The following FMN2 variants were observed in gnomAD, a reference collection of about 807,000 sequenced individuals.
FMN2 encodes the protein formin-2.
A neutral mutation model predicts 142.3 loss-of-function variants in FMN2; 51 were observed. The observed-to-expected ratio is 0.36, with a 90% CI of 0.29 to 0.45. The LOEUF (loss-of-function observed/expected upper bound fraction) is 0.45. FMN2 is among the 20% of genes least tolerant of loss of function. The probability of loss-of-function intolerance (pLI) is 1.00; values close to 1 mark genes in which losing one functional copy is unlikely to be tolerated. For missense variants in FMN2, 1,936 were observed against 2,122.8 expected (o/e 0.91, Z 1.73); for synonymous variants, 882 against 869.8 (o/e 1.01, Z -0.25).
chr1:240,121,735 T>TAGAAAAAAA (rs1662264192), intron 1 of FMN2, among the ~76,000 whole-genome samples: 1 of 25,672 alleles, frequency 3.9e-5, no homozygotes, highest in Non-Finnish European at 6.4e-5. Context: ...AGGGAAATAG[T>TAGAAAAAAA]AAAAAAAAAA....
In FMN2 at chr1:240,178,192, C is replaced by T. The variant is rs552355823; in HGVS notation, c.1930+124C>T. 1.7e-5 allele frequency: 20 copies of T among 1,170,190 alleles called. No individual in the cohort carries two copies. In the South Asian group the frequency reaches 4.2e-4, roughly 24 times the overall value. The allele number at this position is 1,170,190 out of a possible 1,614,324, so 72.5% of individuals were successfully genotyped here. On this transcript the variant is annotated intron_variant, in intron 3 of 17. Coordinates refer to ENST00000319653, the MANE Select transcript of FMN2 (RefSeq NM_020066.5). ...TTGCATGGCATTCAGATATAATCTT[C>T]AAAAAGTTTTTACTTTGGGGTCTTT...
At chr1:240,209,649 C>A (rs61829164) in intron 5 of FMN2, among the ~76,000 whole-genome samples, 109,217 of 150,386 alleles carry the variant, frequency 0.73, 40,665 homozygotes, top group African/African-American at 0.86. Flanking sequence ...TCACGCCTGT[C>A]ATCCCAGCAC....
At chr1:240,442,093 C>T (rs74149113) in intron 16 of FMN2, among the ~76,000 whole-genome samples, 4,747 of 152,200 alleles carry the variant, frequency 0.031, 232 homozygotes, top group African/African-American at 0.11. Context: ...CTGTCCCTTC[C>T]GTGATCCATG....
At chr1:240,173,630 C>T (rs901729513) in intron 2 of FMN2, among the ~76,000 whole-genome samples, 13 of 152,202 alleles carry the variant, frequency 8.5e-5, no homozygotes, top group East Asian at 1.9e-4. Flanking sequence ...AATATAGGAA[C>T]GTTGAAATGA....
intron 1 of FMN2, among the ~76,000 whole-genome samples, chr1:240,099,443 G>C (rs1175563132): frequency 6.6e-6 from 1 of 151,690 alleles, no homozygotes; most frequent in African/African-American, 2.4e-5. Flanking sequence ...GGGTGTGGCT[G>C]TAAGATTTGG....
chr1:240,471,691 A>G (rs911026873), intron 16 of FMN2: 1 of 152,718 alleles, frequency 6.5e-6, no homozygotes, highest in Non-Finnish European at 1.5e-5. Context: ...GTAAATTTTT[A>G]TGTGACACTT....
chr1:240,408,787 A>G (rs1418602577), intron 15 of FMN2, among the ~76,000 whole-genome samples: 2 of 152,156 alleles, frequency 1.3e-5, no homozygotes, highest in Non-Finnish European at 2.9e-5. Context: ...CACGAAAAAA[A>G]CTTAGATTCT....
At chr1:240,286,248 G>A (rs61829202) in intron 7 of FMN2, among the ~76,000 whole-genome samples, 4,594 of 152,252 alleles carry the variant, frequency 0.03, 105 homozygotes, top group Non-Finnish European at 0.046. Flanking sequence ...TCAACATGCA[G>A]TACTCCACAT....
intron 15 of FMN2, among the ~76,000 whole-genome samples, chr1:240,396,484 A>G (rs1313394887): frequency 6.6e-6 from 1 of 151,890 alleles, no homozygotes; most frequent in Non-Finnish European, 1.5e-5. Flanking sequence ...TTTTAGATTA[A>G]GGGGTACACG....
intron 2 of FMN2, among the ~76,000 whole-genome samples, chr1:240,142,416 A>G (rs1663222247): frequency 6.6e-6 from 1 of 152,136 alleles, no homozygotes; most frequent in South Asian, 2.1e-4. Flanking sequence ...AGATGGATGG[A>G]CAAGAAGACT....
intron 1 of FMN2, among the ~76,000 whole-genome samples, chr1:240,102,926 G>A (rs1053307831): frequency 5.3e-5 from 8 of 150,410 alleles, no homozygotes; most frequent in Non-Finnish European, 7.4e-5. Flanking sequence ...ATACAGTGGC[G>A]CCATCTTGGC....
chr1:240,406,487 G>A (rs548291132), intron 15 of FMN2, among the ~76,000 whole-genome samples: 1 of 152,174 alleles, frequency 6.6e-6, no homozygotes, highest in Non-Finnish European at 1.5e-5. Flanking sequence ...TCAAATCCAG[G>A]TATAGCCCCT....
intron 8 of FMN2, among the ~76,000 whole-genome samples, chr1:240,301,574 C>A (rs1670198264): frequency 6.6e-6 from 1 of 151,542 alleles, no homozygotes; most frequent in East Asian, 1.9e-4. Flanking sequence ...TCTTAATTTT[C>A]TTTCATCTTA....
At chr1:240,187,588 C>T (rs1665533271) in intron 3 of FMN2, among the ~76,000 whole-genome samples, 1 of 152,112 alleles carries the variant, frequency 6.6e-6, no homozygotes. Context: ...ACACAAGCTT[C>T]ACTTAGAAGA....
At chr1:240,328,365 A>C (rs566461298) in intron 8 of FMN2, among the ~76,000 whole-genome samples, 4 of 151,542 alleles carry the variant, frequency 2.6e-5, no homozygotes, top group Non-Finnish European at 5.9e-5. Flanking sequence ...TTGACTTCTG[A>C]ATAAGAAATA....
chr1:240,140,831 G>A (rs1422381120), intron 2 of FMN2, among the ~76,000 whole-genome samples: 3 of 152,128 alleles, frequency 2.0e-5, no homozygotes, highest in African/African-American at 7.2e-5. Flanking sequence ...GCTGTTTTAT[G>A]AGGGAATAAT....
At chr1:240,389,838 T>A (rs562152470) in intron 14 of FMN2, among the ~76,000 whole-genome samples, 155 of 152,208 alleles carry the variant, frequency 1.0e-3, no homozygotes, top group African/African-American at 3.5e-3. Context: ...TACCCTGTAA[T>A]CCCAGCTACT....
chr1:240,354,027 T>A (rs574622478), intron 13 of FMN2, among the ~76,000 whole-genome samples: 1 of 152,278 alleles, frequency 6.6e-6, no homozygotes, highest in African/African-American at 2.4e-5. Context: ...AGGTCTACAT[T>A]GTAGCGAGTG....
At chr1:240,317,529 A>G (rs1670831209) in intron 8 of FMN2, among the ~76,000 whole-genome samples, 1 of 152,120 alleles carries the variant, frequency 6.6e-6, no homozygotes, top group African/African-American at 2.4e-5. Context: ...TTTTCCACTC[A>G]GTATAATTTC....
Sources: allele counts gnomAD v4.1 joint callset (sites outside exome capture counted in the v4.1 genomes callset), GRCh38; gene constraint gnomAD v4.1.1; transcripts MANE v1.5; gene names NCBI Gene and HGNC (gene_info 2026-07-23, HGNC 2026-07-21).